The following WDPCP variants were observed in gnomAD, a reference collection of about 807,000 sequenced individuals.
WDPCP encodes WD repeat-containing and planar cell polarity effector protein fritz homolog.
In WDPCP, 71 loss-of-function variants were observed where a neutral mutation model predicts 93.1. The ratio of observed to expected loss-of-function variants is 0.76; its 90% CI spans 0.63 to 0.93. The LOEUF is 0.93. Among genes scored for constraint, WDPCP ranks in the 40% least tolerant of loss-of-function variants. The probability of loss-of-function intolerance (pLI) is 0.00; values close to 1 mark genes in which losing one functional copy is unlikely to be tolerated. For synonymous variants in WDPCP, 315 were observed against 315.0 expected, an observed-to-expected ratio of 1.00 and a Z score of 0.00; for missense variants, 844 against 887.4, an observed-to-expected ratio of 0.95 and a Z score of 0.62.
intron 3 of WDPCP, among the ~76,000 whole-genome samples, chr2:63,620,482 C>T (rs1709723108): frequency 6.6e-6 from 1 of 152,234 alleles, no homozygotes; most frequent in South Asian, 2.1e-4. Context: ...GATTCCTCCC[C>T]TCTGGGCAGG....
intron 2 of WDPCP, among the ~76,000 whole-genome samples, chr2:63,665,193 G>A (rs932414302): frequency 1.1e-4 from 17 of 152,208 alleles, no homozygotes; most frequent in African/African-American, 4.1e-4. Context: ...CAACAGAAAT[G>A]CGTTGTCTCA....
At chr2:63,134,034 AG>A (rs1375265490) in intron 17 of WDPCP, among the ~76,000 whole-genome samples, 1 of 152,158 alleles carries the variant, frequency 6.6e-6, no homozygotes, top group African/African-American at 2.4e-5. Flanking sequence ...GAAGCTTCTT[AG>A]TCACATTTTG....
At chr2:63,657,096 G>A (rs1292323081) in intron 2 of WDPCP, among the ~76,000 whole-genome samples, 1 of 152,038 alleles carries the variant, frequency 6.6e-6, no homozygotes, top group Non-Finnish European at 1.5e-5. Flanking sequence ...GGTGGTAAGG[G>A]CCAGGTTGTG....
At chr2:63,807,714 CACA>C (rs1467326193) in intron 2 of WDPCP, among the ~76,000 whole-genome samples, 1 of 152,148 alleles carries the variant, frequency 6.6e-6, no homozygotes, top group Non-Finnish European at 1.5e-5. Flanking sequence ...AAAATCTTAT[CACA>C]ACAATTTGTC....
chr2:63,452,211 AT>A, intron 6 of WDPCP, among the ~76,000 whole-genome samples: 1 of 152,352 alleles, frequency 6.6e-6, no homozygotes, highest in African/African-American at 2.4e-5. Flanking sequence ...TCAGCCTAAA[AT>A]TTCCTTAAGC....
At chr2:63,643,844 C>G in intron 3 of WDPCP, 3 of 541,620 alleles carry the variant, frequency 5.5e-6, no homozygotes, top group South Asian at 4.2e-5. Flanking sequence ...CTTAATAAAC[C>G]ACTGCATGCA....
chr2:63,629,645 A>G (rs1256526082), intron 3 of WDPCP, among the ~76,000 whole-genome samples: 3 of 152,206 alleles, frequency 2.0e-5, no homozygotes, highest in Non-Finnish European at 1.5e-5. Context: ...GTCAGGAAGT[A>G]TCAGTAAAGG....
intron 1 of WDPCP, among the ~76,000 whole-genome samples, chr2:63,521,077 GGAAA>G (rs1702894364): frequency 4.6e-5 from 7 of 152,204 alleles, no homozygotes; most frequent in Middle Eastern, 3.4e-3. Flanking sequence ...AATATGGAAA[GGAAA>G]GACTGTCACC....
At chr2:63,294,733 A>G (rs1240098971) in intron 13 of WDPCP, among the ~76,000 whole-genome samples, 3 of 152,054 alleles carry the variant, frequency 2.0e-5, no homozygotes, top group Non-Finnish European at 4.4e-5. Flanking sequence ...AAGCCATACA[A>G]AGAAAAAAAA....
intron 1 of WDPCP, 22 bp downstream of exon 1, chr2:63,588,175 T>C (rs760497156): frequency 1.9e-6 from 3 of 1,555,422 alleles, no homozygotes; most frequent in Non-Finnish European, 2.6e-6. Flanking sequence ...AGAAAACCCC[T>C]TGCCCTCGGG....
At chr2:63,380,148 CTTCT>C (rs879527472) in intron 11 of WDPCP, among the ~76,000 whole-genome samples, 17 of 151,924 alleles carry the variant, frequency 1.1e-4, no homozygotes, top group Non-Finnish European at 2.2e-4. Flanking sequence ...TTTCATATTT[CTTCT>C]TTAACTGTAA....
chr2:63,235,857 G>C (rs1679343256), intron 14 of WDPCP, among the ~76,000 whole-genome samples: 1 of 152,006 alleles, frequency 6.6e-6, no homozygotes, highest in African/African-American at 2.4e-5. Flanking sequence ...ACAATAATAA[G>C]AGCCATCTAT....
intron 2 of WDPCP, among the ~76,000 whole-genome samples, chr2:63,729,066 A>C (rs1669525865): frequency 6.6e-6 from 1 of 152,188 alleles, no homozygotes; most frequent in Non-Finnish European, 1.5e-5. Context: ...TATTCTCTTC[A>C]ATATGAAGGT....
At chr2:63,575,463 A>ACACTGTATATACAGTGT (rs1575683412) in intron 1 of WDPCP, among the ~76,000 whole-genome samples, 1 of 29,152 alleles carries the variant, frequency 3.4e-5, no homozygotes, top group African/African-American at 2.1e-4. Flanking sequence ...TATACAGTAT[A>ACACTGTATATACAGTGT]TATGCAGTAT....
At chr2:63,840,336 G>C in the WDPCP span, among the ~76,000 whole-genome samples, 2 of 152,222 alleles carry the variant, frequency 1.3e-5, no homozygotes, top group African/African-American at 4.8e-5. Flanking sequence ...AGGACTTCAA[G>C]AATCTACCAA....
chr2:63,320,786 A>C (rs987928880), intron 12 of WDPCP, among the ~76,000 whole-genome samples: 1 of 8,352 alleles, frequency 1.2e-4, no homozygotes, highest in Admixed American at 1.7e-3. Flanking sequence ...AAAAATTAGT[A>C]AAAATTAGTA....
chr2:63,123,430 A>C (rs1026900135), intron 17 of WDPCP, among the ~76,000 whole-genome samples: 2 of 152,104 alleles, frequency 1.3e-5, no homozygotes, highest in Non-Finnish European at 2.9e-5. Context: ...AGTGTCTTCT[A>C]TCCATGATTT....
intron 6 of WDPCP, among the ~76,000 whole-genome samples, chr2:63,455,018 T>C (rs1162495996): frequency 6.6e-6 from 1 of 152,124 alleles, no homozygotes; most frequent in Admixed American, 6.5e-5. Flanking sequence ...AATTCATCAC[T>C]ACTAGACCTG....
intron 13 of WDPCP, among the ~76,000 whole-genome samples, chr2:63,309,839 C>T (rs890394262): frequency 6.6e-6 from 1 of 152,018 alleles, no homozygotes; most frequent in Admixed American, 6.6e-5. Flanking sequence ...ATAACACACT[C>T]AGACAACTAA....
Sources: allele counts gnomAD v4.1 joint callset (sites outside exome capture counted in the v4.1 genomes callset), GRCh38; gene constraint gnomAD v4.1.1; transcripts MANE v1.5; gene names NCBI Gene and HGNC (gene_info 2026-07-23, HGNC 2026-07-21).